LRMDA: variants seen among roughly 807,000 people sequenced by gnomAD.
LRMDA encodes leucine rich melanocyte differentiation associated, also known as leucine-rich melanocyte differentiation-associated protein.
Under a neutral mutation model 29.8 loss-of-function variants are expected in LRMDA, and 18 were observed. The ratio of observed to expected loss-of-function variants is 0.60; its 90% CI spans 0.42 to 0.90. The LOEUF (loss-of-function observed/expected upper bound fraction) is 0.90. LRMDA is among the 40% of genes least tolerant of loss of function. The pLI is 0.00. For missense variants in LRMDA, 273 were observed against 273.9 expected, an observed-to-expected ratio of 1.00 and a Z score of 0.02; for synonymous variants, 125 against 109.4, an observed-to-expected ratio of 1.14 and a Z score of -0.89.
Position 76,239,925 on chromosome 10 carries a change from A to G in LRMDA, c.517-84476A>G, listed in dbSNP as rs1314702849. 2.0e-5 allele frequency among the ~76,000 whole-genome samples: 3 copies of G among 152,076 alleles called. No individual in the cohort carries two copies. In the East Asian group the frequency reaches 5.8e-4, roughly 29 times the overall value. ...ACATTTTATGTATATATACTTATAT[A>G]TAATGTATATATACATACACAAGCA... On this transcript the variant is annotated intron_variant, in intron 5 of 6. Transcript: ENST00000611255.
intron 5 of LRMDA, among the ~76,000 whole-genome samples, chr10:76,164,077 G>T (rs1850693170): frequency 6.6e-6 from 1 of 152,098 alleles, no homozygotes; most frequent in South Asian, 2.1e-4. Flanking sequence ...GACTCTCAGA[G>T]AACCAAGTCT....
At chr10:76,220,105 A>C (rs1041526757) in intron 5 of LRMDA, among the ~76,000 whole-genome samples, 7 of 152,188 alleles carry the variant, frequency 4.6e-5, no homozygotes, top group East Asian at 1.9e-4. Context: ...ATCTCTGGGA[A>C]ACATTCAAAG....
At chr10:75,592,335 T>A (rs1267906075) in intron 2 of LRMDA, among the ~76,000 whole-genome samples, 1 of 152,202 alleles carries the variant, frequency 6.6e-6, no homozygotes, top group East Asian at 1.9e-4. Flanking sequence ...TGTTTGTCTG[T>A]TTGTGTTTTT....
chr10:75,455,719 A>G (rs1369887934), intron 2 of LRMDA, among the ~76,000 whole-genome samples: 1 of 152,218 alleles, frequency 6.6e-6, no homozygotes, highest in Non-Finnish European at 1.5e-5. Flanking sequence ...GCACAGTCCA[A>G]TTAATTGCCA....
At chr10:75,840,844 A>T (rs1319895929) in intron 2 of LRMDA, among the ~76,000 whole-genome samples, 1 of 152,240 alleles carries the variant, frequency 6.6e-6, no homozygotes, top group Non-Finnish European at 1.5e-5. Flanking sequence ...AATGCAAACT[A>T]TCTACTGGTA....
intron 2 of LRMDA, among the ~76,000 whole-genome samples, chr10:75,654,441 A>G (rs572271547): frequency 3.3e-5 from 5 of 152,356 alleles, no homozygotes; most frequent in African/African-American, 9.6e-5. Context: ...TGGAGCTTCA[A>G]TACAAATGGG....
chr10:76,112,125 A>G (rs999316038), intron 5 of LRMDA, among the ~76,000 whole-genome samples: 1 of 152,220 alleles, frequency 6.6e-6, no homozygotes, highest in Non-Finnish European at 1.5e-5. Context: ...ATGAGCGAGC[A>G]AGGGAGCAGG....
chr10:76,398,271 C>T (rs1250347045), intron 6 of LRMDA, among the ~76,000 whole-genome samples: 2 of 152,144 alleles, frequency 1.3e-5, no homozygotes, highest in East Asian at 3.9e-4. Flanking sequence ...TGACGTCCCC[C>T]TCCCCCCAGC....
intron 2 of LRMDA, among the ~76,000 whole-genome samples, chr10:75,462,545 T>G (rs1844599843): frequency 1.3e-5 from 2 of 152,232 alleles, no homozygotes; most frequent in Non-Finnish European, 2.9e-5. Context: ...AAAAACTATC[T>G]GGAGGAAGTC....
chr10:76,545,181 G>A (rs60152985), intron 6 of LRMDA, among the ~76,000 whole-genome samples: 3 of 140,486 alleles, frequency 2.1e-5, no homozygotes, highest in Admixed American at 1.4e-4. Context: ...TTTTTATTTT[G>A]TTTTTTTTTT....
At chr10:76,212,236 A>AACACACACACACACAC (rs35344389) in intron 5 of LRMDA, among the ~76,000 whole-genome samples, 2 of 142,848 alleles carry the variant, frequency 1.4e-5, no homozygotes, top group African/African-American at 2.6e-5. Context: ...TGAAAATTAA[A>AACACACACACACACAC]ACACACACAC....
At chr10:75,626,246 G>C (rs2132109743) in intron 2 of LRMDA, among the ~76,000 whole-genome samples, 1 of 152,288 alleles carries the variant, frequency 6.6e-6, no homozygotes, top group Non-Finnish European at 1.5e-5. Flanking sequence ...TGCGTGGTAA[G>C]ATAACCAATT....
intron 5 of LRMDA, among the ~76,000 whole-genome samples, chr10:76,187,758 C>T (rs967291919): frequency 6.6e-6 from 1 of 152,270 alleles, no homozygotes; most frequent in South Asian, 2.1e-4. Context: ...TCTGTGTCCT[C>T]TGAGTGACTG....
rs1459192289 is a variant in LRMDA, at chr10:76,480,369, A to G, written c.602-76840A>G. Among the ~76,000 whole-genome samples the G allele has an allele frequency of 2.0e-5, 3 of 152,018 alleles. No individual in the cohort carries two copies. In the East Asian group the frequency reaches 5.8e-4, roughly 29 times the overall value. ...CTTGGTTGAGAATATAATACTGTAC[A>G]TGATAAAAATATACTGAATTAGGAA... On this transcript the variant is annotated intron_variant, in intron 6 of 6. Transcript: ENST00000611255.
chr10:76,413,427 T>C (rs1181871936), intron 6 of LRMDA, among the ~76,000 whole-genome samples: 1 of 152,130 alleles, frequency 6.6e-6, no homozygotes, highest in African/African-American at 2.4e-5. Context: ...ACATCTTACA[T>C]GGCAGCAAGC....
At chr10:75,821,104 A>C (rs1472660999) in intron 2 of LRMDA, among the ~76,000 whole-genome samples, 1 of 152,196 alleles carries the variant, frequency 6.6e-6, no homozygotes, top group Non-Finnish European at 1.5e-5. Flanking sequence ...AACTAATACC[A>C]ATCTTTACTA....
chr10:75,694,678 C>G (rs1842211647), intron 2 of LRMDA, among the ~76,000 whole-genome samples: 1 of 152,086 alleles, frequency 6.6e-6, no homozygotes, highest in Admixed American at 6.6e-5. Flanking sequence ...TCTGCCACCT[C>G]AAATAACAAT....
intron 2 of LRMDA, among the ~76,000 whole-genome samples, chr10:75,792,233 G>A (rs1420215296): frequency 1.4e-5 from 2 of 147,274 alleles, no homozygotes; most frequent in Non-Finnish European, 3.0e-5. Flanking sequence ...AGGCCTTGGG[G>A]TTACAGAAAT....
intron 2 of LRMDA, among the ~76,000 whole-genome samples, chr10:75,911,909 C>T (rs1845848914): frequency 6.6e-6 from 1 of 152,182 alleles, no homozygotes; most frequent in African/African-American, 2.4e-5. Context: ...GTCAGTATTA[C>T]CCTTTCTGTG....
Sources: gnomAD v4.1 joint callset for allele counts (sites outside exome capture counted in the v4.1 genomes callset) on GRCh38, gnomAD v4.1.1 for gene constraint, MANE v1.5 for transcripts, NCBI Gene and HGNC (gene_info 2026-07-23, HGNC 2026-07-21) for gene names.